Variants in FKBP5 observed in about 807,000 individuals in gnomAD.
FKBP5 encodes the protein peptidyl-prolyl cis-trans isomerase FKBP5.
FKBP5 carries 23 observed loss-of-function variants against 50.5 expected under a neutral mutation model. The ratio of observed to expected loss-of-function variants is 0.46; its 90% CI spans 0.33 to 0.65. FKBP5 has a LOEUF of 0.65. Ranked by LOEUF, FKBP5 falls within the 30% of genes least tolerant of loss-of-function variation. FKBP5 has a pLI of 0.02. For synonymous variants in FKBP5, 176 were observed against 190.6 expected (o/e 0.92, Z 0.63); for missense variants, 411 against 553.1 (o/e 0.74, Z 2.58).
Position 35,685,897 on chromosome 6 carries a change from G to A in FKBP5, c.-20+2907C>T, listed in dbSNP as rs370749012. Among the ~76,000 whole-genome samples, 11 of 149,382 alleles carry A rather than the reference G, an allele frequency of 7.4e-5. No individual in the cohort carries two copies. In the East Asian group the frequency reaches 7.9e-4, roughly 11 times the overall value. On this transcript the variant is annotated intron_variant, in intron 1 of 10. Coordinates refer to ENST00000357266, the MANE Select transcript of FKBP5 (RefSeq NM_004117.4). ...CTCAGGAGGCTGAGGCAGGAGAATC[G>A]CTTGAACCCGGGAGGCAGAGGTTGC...
At chr6:35,577,300 A>G in intron 9 of FKBP5, 67 bp from the exon 10 acceptor site, 3 of 1,420,262 alleles carry the variant, frequency 2.1e-6, no homozygotes, top group Non-Finnish European at 1.9e-6. Context: ...AGCTTACCAA[A>G]GTTCTCTTGC....
intron 10 of FKBP5, among the ~76,000 whole-genome samples, chr6:35,576,519 A>T (rs916934767): frequency 5.9e-5 from 9 of 152,050 alleles, no homozygotes; most frequent in African/African-American, 1.9e-4. Flanking sequence ...AAAAAATTTT[A>T]AAAAATTAGC....
At chr6:35,656,911 A>G (rs13207597) in intron 1 of FKBP5, among the ~76,000 whole-genome samples, 1 of 137,750 alleles carries the variant, frequency 7.3e-6, no homozygotes, top group African/African-American at 2.6e-5. Flanking sequence ...AAAAAAAAAG[A>G]AAAAAGAAAA....
At chr6:35,580,807 C>T (rs1364669101) in intron 8 of FKBP5, 10 of 969,786 alleles carry the variant, frequency 1.0e-5, no homozygotes, top group African/African-American at 1.8e-5. Flanking sequence ...TCCCAAAGTG[C>T]TGGGATTACA....
At chr6:35,676,887 T>C (rs1407860572) in intron 1 of FKBP5, among the ~76,000 whole-genome samples, 1 of 152,208 alleles carries the variant, frequency 6.6e-6, no homozygotes, top group East Asian at 1.9e-4. Context: ...CCCTGGAAGC[T>C]AGACAACTGC....
At chr6:35,703,363 G>A (rs982126766) in intron 2 of FKBP5, among the ~76,000 whole-genome samples, 12 of 151,946 alleles carry the variant, frequency 7.9e-5, no homozygotes, top group Admixed American at 2.0e-4. Flanking sequence ...AGTGGGCTGA[G>A]ATCAAGCTGC....
intron 1 of FKBP5, among the ~76,000 whole-genome samples, chr6:35,655,727 C>G (rs189214626): frequency 7.3e-4 from 111 of 152,296 alleles, no homozygotes; most frequent in African/African-American, 2.6e-3. Context: ...TAAGTATATT[C>G]CTTCTCTAAA....
At chr6:35,713,026 G>A (rs1290752759) in intron 2 of FKBP5, among the ~76,000 whole-genome samples, 1 of 139,432 alleles carries the variant, frequency 7.2e-6, no homozygotes, top group South Asian at 2.2e-4. Flanking sequence ...GCAGTGAGCC[G>A]TGATCACGCT....
intron 1 of FKBP5, among the ~76,000 whole-genome samples, chr6:35,657,326 C>T (rs1048599263): frequency 1.3e-5 from 2 of 152,198 alleles, no homozygotes; most frequent in Non-Finnish European, 2.9e-5. Context: ...TCTCACTGGG[C>T]TAAAATCAAG....
intron 1 of FKBP5, among the ~76,000 whole-genome samples, chr6:35,672,287 A>G (rs1392697073): frequency 6.6e-6 from 1 of 152,206 alleles, no homozygotes; most frequent in Non-Finnish European, 1.5e-5. Flanking sequence ...TTACCTTCAG[A>G]AAAATGAAGA....
At chr6:35,670,779 G>A (rs971387324) in intron 1 of FKBP5, among the ~76,000 whole-genome samples, 1 of 151,166 alleles carries the variant, frequency 6.6e-6, no homozygotes, top group African/African-American at 2.4e-5. Context: ...CTCATATACT[G>A]CTATCTGTGT....
rs559308415 is a variant in FKBP5, at chr6:35,716,138, G to A, written c.-20+4190C>T. Among the ~76,000 whole-genome samples the A allele has an allele frequency of 3.9e-5, 6 of 152,240 alleles. No individual in the cohort carries two copies. In the South Asian group the frequency reaches 8.3e-4, roughly 21 times the overall value. On this transcript the variant is annotated intron_variant, in intron 2 of 11. Coordinates refer to the FKBP5 transcript ENST00000536438. Reference sequence around the variant, plus strand: ...TGTAATCCCAGCAACTCAAGACGCCGAGGTAGGAGGATTGCTTGAGGCCAG... The same window carrying A: ...TGTAATCCCAGCAACTCAAGACGCCAAGGTAGGAGGATTGCTTGAGGCCAG...
chr6:35,631,911 C>T lies in FKBP5; in HGVS notation c.250+5103G>A, dbSNP rs186964509. Among the ~76,000 whole-genome samples the T allele has an allele frequency of 1.4e-4, 21 of 147,426 alleles. 1 individual carries two copies. The highest frequency in any genetic ancestry group is 2.7e-4 in the Non-Finnish European group (18 of 67,442). ...CGGAGGTTGCAATGAGCGGAGATCACGCCACTGCACTCCAGCCTGGGCGAC... is the reference window on the plus strand; with the variant it reads ...CGGAGGTTGCAATGAGCGGAGATCATGCCACTGCACTCCAGCCTGGGCGAC... On this transcript the variant is annotated intron_variant, in intron 3 of 10. Transcript: ENST00000357266.
intron 1 of FKBP5, among the ~76,000 whole-genome samples, chr6:35,654,068 T>C (rs528334341): frequency 1.3e-5 from 2 of 152,354 alleles, no homozygotes; most frequent in South Asian, 2.1e-4. Context: ...ATCTCATGTA[T>C]ACATGTATGT....
chr6:35,686,851 T>C (rs1765841599), intron 1 of FKBP5, among the ~76,000 whole-genome samples: 1 of 152,204 alleles, frequency 6.6e-6, no homozygotes, highest in African/African-American at 2.4e-5. Context: ...TGATTAAAAA[T>C]ATGTTTTAAA....
chr6:35,637,816 C>CAG (rs1241319963), intron 2 of FKBP5, among the ~76,000 whole-genome samples: 5 of 152,082 alleles, frequency 3.3e-5, no homozygotes, highest in Non-Finnish European at 7.3e-5. Flanking sequence ...GGACTTAGAC[C>CAG]AGAAAGAATG....
intron 3 of FKBP5, among the ~76,000 whole-genome samples, chr6:35,624,849 C>T (rs1447252374): frequency 3.3e-5 from 5 of 152,156 alleles, no homozygotes; most frequent in South Asian, 2.1e-4. Context: ...AATGAACCAA[C>T]GTGTTCAACT....
chr6:35,634,544 T>C (rs960594854), intron 3 of FKBP5, among the ~76,000 whole-genome samples: 5 of 152,070 alleles, frequency 3.3e-5, no homozygotes, highest in African/African-American at 1.2e-4. Context: ...ACACAAATGA[T>C]ACAGGAAGCA....
intron 2 of FKBP5, among the ~76,000 whole-genome samples, chr6:35,698,516 A>C (rs1766123428): frequency 6.9e-6 from 1 of 145,180 alleles, no homozygotes; most frequent in East Asian, 2.1e-4. Flanking sequence ...GCTTGGTGGC[A>C]GGAGCCCGTA....
Sources: allele counts gnomAD v4.1 joint callset (sites outside exome capture counted in the v4.1 genomes callset), GRCh38; gene constraint gnomAD v4.1.1; transcripts MANE v1.5; gene names NCBI Gene and HGNC (gene_info 2026-07-23, HGNC 2026-07-21).